Variants in OVCH1 observed in about 807,000 individuals in gnomAD.
The protein encoded by OVCH1 is ovochymase-1.
A neutral mutation model predicts 138.4 loss-of-function variants in OVCH1; 139 were observed. The observed-to-expected ratio is 1.00, with a 90% CI of 0.87 to 1.16. The LOEUF (loss-of-function observed/expected upper bound fraction) is 1.16. OVCH1 is among the 50% of genes most tolerant of loss of function. The pLI is 0.00. For missense variants in OVCH1, 1,367 were observed against 1,357.9 expected, an observed-to-expected ratio of 1.01 and a Z score of -0.11; for synonymous variants, 453 against 467.8, an observed-to-expected ratio of 0.97 and a Z score of 0.41.
At chr12:29,458,476 C>T (rs1942026165) in intron 19 of OVCH1, among the ~76,000 whole-genome samples, 1 of 152,102 alleles carries the variant, frequency 6.6e-6, no homozygotes, top group African/African-American at 2.4e-5. Context: ...CTATTCCTCA[C>T]CATTTGCAAA....
chr12:29,452,987 A>G (rs1261591977), intron 21 of OVCH1, among the ~76,000 whole-genome samples: 1 of 152,198 alleles, frequency 6.6e-6, no homozygotes, highest in Non-Finnish European at 1.5e-5. Flanking sequence ...ACATTTTAAC[A>G]ATGTTCATTT....
the OVCH1 span, among the ~76,000 whole-genome samples, chr12:29,402,326 A>G: frequency 1.2e-3 from 177 of 152,348 alleles, no homozygotes; most frequent in African/African-American, 3.9e-3. Flanking sequence ...CAGTGTTCCT[A>G]TCCAAAAGTA....
chr12:29,443,743 G>A (rs755200781), intron 24 of OVCH1, among the ~76,000 whole-genome samples: 4 of 152,034 alleles, frequency 2.6e-5, no homozygotes, highest in Admixed American at 6.6e-5. Context: ...CCAATTGTGT[G>A]TATTGTTTTA....
chr12:29,447,298 C>T (rs116420074), intron 22 of OVCH1, among the ~76,000 whole-genome samples: 96 of 151,730 alleles, frequency 6.3e-4, no homozygotes, highest in African/African-American at 2.3e-3. Flanking sequence ...TTAAAACAAA[C>T]AAACAAAAAA....
intron 26 of OVCH1, chr12:29,433,866 A>G (rs977317204): frequency 7.6e-7 from 1 of 1,309,520 alleles, no homozygotes; most frequent in Non-Finnish European, 1.0e-6. Context: ...CTGTATTTCA[A>G]TTAACATGTC....
chr12:29,487,041 C>A lies in OVCH1; in HGVS notation c.892+652G>T, dbSNP rs138232429. 2.7e-3 allele frequency: 1,058 copies of A among 396,102 alleles called. 3 individuals are homozygous for A. The highest frequency in any genetic ancestry group is 4.4e-3 in the Non-Finnish European group (866 of 195,264). The allele number at this position is 396,102 out of a possible 1,614,324, so 24.5% of individuals were successfully genotyped here. On this transcript the variant is annotated intron_variant, in intron 7 of 27. Coordinates refer to ENST00000318184, the Ensembl canonical transcript of OVCH1. Reference sequence around the variant, plus strand: ...GATCCACAGCACCACTTCTAAAAGCCCTGTCAGGTGGCTGCCCTTGGACTG... The same window carrying A: ...GATCCACAGCACCACTTCTAAAAGCACTGTCAGGTGGCTGCCCTTGGACTG...
At chr12:29,476,431 G>T in intron 12 of OVCH1, 132 bp from the exon 13 acceptor site, 1 of 754,064 alleles carries the variant, frequency 1.3e-6, no homozygotes, top group Non-Finnish European at 2.2e-6. Flanking sequence ...GTAAATAATT[G>T]CAGTCTCTTT....
chr12:29,427,505 G>C (rs1438827730), downstream of OVCH1: 3 of 1,540,296 alleles, frequency 1.9e-6, no homozygotes, highest in African/African-American at 4.1e-5. Context: ...CGTGAAACTT[G>C]AGACAGAATG....
At chr12:29,431,446 C>A (rs972895811) in intron 27 of OVCH1, among the ~76,000 whole-genome samples, 2 of 151,954 alleles carry the variant, frequency 1.3e-5, no homozygotes, top group African/African-American at 4.8e-5. Context: ...AAAAAAAAAT[C>A]CTCCTATAGT....
intron 21 of OVCH1, among the ~76,000 whole-genome samples, chr12:29,452,712 C>G (rs1172859750): frequency 2.6e-5 from 4 of 152,130 alleles, no homozygotes; most frequent in African/African-American, 9.7e-5. Context: ...AAATCACATA[C>G]AGCCATGAAT....
chr12:29,444,331 G>A, intron 23 of OVCH1, 51 bp from the exon 24 acceptor site: 1 of 1,558,904 alleles, frequency 6.4e-7, no homozygotes, highest in Non-Finnish European at 8.8e-7. Context: ...TTTTTAACAG[G>A]CTTCCTATAT....
chr12:29,420,883 C>T (rs1184484492), intron 3 of OVCH1, among the ~76,000 whole-genome samples: 1 of 152,206 alleles, frequency 6.6e-6, no homozygotes, highest in Non-Finnish European at 1.5e-5. Flanking sequence ...AAGTTTCATT[C>T]ACCTAATATG....
At chr12:29,435,773 G>A (rs550250250) in intron 26 of OVCH1, among the ~76,000 whole-genome samples, 36 of 152,218 alleles carry the variant, frequency 2.4e-4, no homozygotes, top group African/African-American at 8.7e-4. Flanking sequence ...TTTCTTGTGA[G>A]GCAGGCTGCT....
intron 21 of OVCH1, 71 bp from the exon 22 acceptor site, chr12:29,451,640 A>G (rs1941799935): frequency 1.6e-6 from 2 of 1,225,750 alleles, no homozygotes; most frequent in African/African-American, 3.1e-5. Context: ...TTCTATCACA[A>G]GACTGAAAAA....
In OVCH1 at chr12:29,487,749, C is replaced by A. The variant is rs752949168; in HGVS notation, c.836G>T (p.Gly279Val). The A allele has an allele frequency of 6.2e-6, 10 of 1,605,748 alleles. No homozygotes were observed. In the South Asian group the frequency reaches 1.1e-4, roughly 18 times the overall value. The change falls in exon 7 of 28, where the codon GGC (glycine) becomes GTC (valine). Residue 279 changes from glycine (G) to valine (V), a missense_variant. Coordinates refer to ENST00000318184, the Ensembl canonical transcript of OVCH1. ...CAACTCAGACACTTTGGAGAAAATG[C>A]CAAGTGATGCCTTCACATGGTTGTT...
intron 14 of OVCH1, among the ~76,000 whole-genome samples, chr12:29,473,771 C>G (rs1045014044): frequency 6.6e-6 from 1 of 151,964 alleles, no homozygotes. Context: ...TGGGTGTTGC[C>G]AAAAGAATTT....
intron 3 of OVCH1, among the ~76,000 whole-genome samples, chr12:29,417,250 C>T (rs533223241): frequency 1.3e-4 from 20 of 151,962 alleles, no homozygotes; most frequent in Admixed American, 6.6e-4. Flanking sequence ...GTCAGGAGTT[C>T]GAGACCAACC....
intron 3 of OVCH1, among the ~76,000 whole-genome samples, chr12:29,495,868 T>C (rs1174650462): frequency 6.6e-6 from 1 of 152,226 alleles, no homozygotes; most frequent in Non-Finnish European, 1.5e-5. Context: ...ACCCAGATGA[T>C]TAAAACTTTG....
chr12:29,427,779 C>T lies in OVCH1; in HGVS notation c.3328-131G>A, dbSNP rs1029607935. On this transcript the variant is annotated intron_variant, in intron 27 of 27. Transcript: ENST00000318184. ...CAACAGGGGTCTATATTCATTAGGT[C>T]CAAAATCTTTACAGAAATTGCATGG... The T allele has an allele frequency of 1.3e-5, 16 of 1,257,194 alleles. No individual in the cohort carries two copies. In the African/African-American group the frequency reaches 2.1e-4, roughly 16 times the overall value. The allele number at this position is 1,257,194 out of a possible 1,614,324, so 77.9% of individuals were successfully genotyped here.
Sources: allele counts gnomAD v4.1 joint callset (sites outside exome capture counted in the v4.1 genomes callset), GRCh38; gene constraint gnomAD v4.1.1; transcripts MANE v1.5; gene names NCBI Gene and HGNC (gene_info 2026-07-23, HGNC 2026-07-21).